The following DTNA variants were observed in gnomAD, a reference collection of about 807,000 sequenced individuals.
DTNA encodes the protein dystrophin-related protein 3.
DTNA carries 43 observed loss-of-function variants against 100.7 expected under a neutral mutation model. The observed-to-expected ratio is 0.43, with a 90% CI of 0.33 to 0.55. The LOEUF (loss-of-function observed/expected upper bound fraction) is 0.55. DTNA is among the 20% of genes least tolerant of loss of function. The pLI is 0.04. For missense variants in DTNA, 798 were observed against 953.9 expected, an observed-to-expected ratio of 0.84 and a Z score of 2.15; for synonymous variants, 349 against 347.9, an observed-to-expected ratio of 1.00 and a Z score of -0.04.
chr18:34,618,499 G>A (rs1434016803), intron 1 of DTNA, among the ~76,000 whole-genome samples: 1 of 152,090 alleles, frequency 6.6e-6, no homozygotes, highest in Non-Finnish European at 1.5e-5. Context: ...GAGTAGATAG[G>A]TCATAATTCT....
chr18:34,701,391 A>C lies in DTNA; in HGVS notation c.-1-54585A>C, dbSNP rs1600447471. On this transcript the variant is annotated intron_variant, in intron 1 of 19. Transcript: ENST00000283365. ...AGAATCACCTGTTTCTTCCTGAAAAATTCCCTTGTTTTCAAGTCCATAGAA... is the reference window on the plus strand; with the variant it reads ...AGAATCACCTGTTTCTTCCTGAAAACTTCCCTTGTTTTCAAGTCCATAGAA... Among the ~76,000 whole-genome samples, 5 of 152,124 alleles carry C rather than the reference A, an allele frequency of 3.3e-5. 1 individual carries two copies. Among genetic ancestry groups the C allele is most frequent in the Admixed American group, 3.3e-4 (5 of 15,280 alleles).
chr18:34,785,763 A>G (rs959902298), intron 3 of DTNA, among the ~76,000 whole-genome samples: 3 of 152,252 alleles, frequency 2.0e-5, no homozygotes, highest in East Asian at 1.9e-4. Flanking sequence ...TGCATGCTCA[A>G]TGCACTTATT....
intron 4 of DTNA, among the ~76,000 whole-genome samples, chr18:34,805,118 GA>G (rs1355905249): frequency 6.6e-6 from 1 of 152,108 alleles, no homozygotes; most frequent in Non-Finnish European, 1.5e-5. Context: ...TCAAATAAAT[GA>G]ATTACTAATA....
At chr18:34,697,155 T>G (rs1279825047) in intron 1 of DTNA, among the ~76,000 whole-genome samples, 1 of 152,200 alleles carries the variant, frequency 6.6e-6, no homozygotes, top group Admixed American at 6.5e-5. Context: ...AGGTTCAATA[T>G]GTGGTATTTT....
In DTNA at chr18:34,636,557, C is replaced by T. The variant is rs532778425; in HGVS notation, c.-1-119419C>T. On this transcript the variant is annotated intron_variant, in intron 1 of 19. Transcript: ENST00000283365. ...TCTTGTGGAGGTGCTGAAAGTTTTA[C>T]TCATCATTGTTCTTGCACCATCAGT... 9.8e-5 allele frequency among the ~76,000 whole-genome samples: 15 copies of T among 152,312 alleles called. No homozygotes were observed. In the South Asian group the frequency reaches 3.1e-3, roughly 32 times the overall value.
chr18:34,769,471 A>C (rs1268276717), intron 3 of DTNA, among the ~76,000 whole-genome samples: 2 of 152,188 alleles, frequency 1.3e-5, no homozygotes. Context: ...CAGTAAAAGA[A>C]ATAAGAAACA....
At chr18:34,704,898 T>C (rs1342851882) in intron 1 of DTNA, among the ~76,000 whole-genome samples, 1 of 152,300 alleles carries the variant, frequency 6.6e-6, no homozygotes, top group East Asian at 1.9e-4. Flanking sequence ...CTTTTCCCTT[T>C]AGCTGAGAGA....
intron 21 of DTNA, among the ~76,000 whole-genome samples, chr18:34,883,064 T>A (rs1015815554): frequency 6.6e-6 from 1 of 152,166 alleles, no homozygotes; most frequent in Non-Finnish European, 1.5e-5. Context: ...CATATACAAT[T>A]GGCAATAAAT....
At chr18:34,564,550 A>G (rs16965457) in intron 1 of DTNA, among the ~76,000 whole-genome samples, 15,525 of 152,262 alleles carry the variant, frequency 0.1, 1,161 homozygotes, top group African/African-American at 0.2. Flanking sequence ...ATTAAATACA[A>G]AGCCCTTTTC....
intron 1 of DTNA, among the ~76,000 whole-genome samples, chr18:34,541,121 C>T (rs1052892821): frequency 5.3e-5 from 8 of 152,050 alleles, no homozygotes; most frequent in African/African-American, 1.9e-4. Context: ...AATGTTAATC[C>T]TTTTTCTATC....
In DTNA at chr18:34,627,132, C is replaced by T. The variant is rs377531923; in HGVS notation, c.-1-128844C>T. On this transcript the variant is annotated intron_variant, in intron 1 of 19. Transcript: ENST00000283365. ...CTGCTTAAGCAAAAGTCTATATCTA[C>T]GGATGAGTCTGAGAGTCAAAAAAAA... 5.3e-5 allele frequency among the ~76,000 whole-genome samples: 8 copies of T among 150,858 alleles called. No individual in the cohort carries two copies. In the East Asian group the frequency reaches 1.6e-3, roughly 29 times the overall value.
At chr18:34,818,042 T>C in intron 7 of DTNA, 122 bp from the exon 8 acceptor site, 5 of 1,584,184 alleles carry the variant, frequency 3.2e-6, no homozygotes, top group Non-Finnish European at 4.3e-6. Context: ...TGAGCCCAAA[T>C]CAACTATCAT....
chr18:34,743,953 C>T (rs939373488), intron 1 of DTNA, among the ~76,000 whole-genome samples: 7 of 152,036 alleles, frequency 4.6e-5, no homozygotes, highest in Non-Finnish European at 7.4e-5. Context: ...ACGCTTTCCT[C>T]GTGTGGCCTC....
In DTNA at chr18:34,875,255, C is replaced by T. The variant is rs766127967; in HGVS notation, c.1760C>T (p.Ser587Phe). The T allele has an allele frequency of 5.6e-6, 9 of 1,613,908 alleles. No homozygotes were observed. Among genetic ancestry groups the T allele is most frequent in the Middle Eastern group, 1.6e-4 (1 of 6,076 alleles). Residue 587 changes from serine to phenylalanine, a missense_variant, in exon 18 of 23, where the codon TCT becomes TTT. Coordinates refer to ENST00000444659, the MANE Select transcript of DTNA (RefSeq NM_001386795.1). ...MKLLKTQGAG[S>F]PRSSPSHTIS... is the part of the protein sequence containing the mutation. Reference sequence around the variant, plus strand: ...TCTCTCCAGACTCAGGGGGCAGGCTCTCCCCGCTCCTCCCCCAGCCACACC... The same window carrying T: ...TCTCTCCAGACTCAGGGGGCAGGCTTTCCCCGCTCCTCCCCCAGCCACACC...
intron 1 of DTNA, among the ~76,000 whole-genome samples, chr18:34,742,352 G>A (rs1027071951): frequency 7.2e-5 from 11 of 152,060 alleles, no homozygotes; most frequent in Non-Finnish European, 1.2e-4. Flanking sequence ...GCAGGGCTGC[G>A]TTCCTTCTGG....
intron 1 of DTNA, among the ~76,000 whole-genome samples, chr18:34,503,101 C>T (rs1028294295): frequency 6.6e-6 from 1 of 151,760 alleles, no homozygotes; most frequent in African/African-American, 2.4e-5. Context: ...TTAAATAATG[C>T]CCCTCTCTGT....
intron 1 of DTNA, among the ~76,000 whole-genome samples, chr18:34,566,134 G>T (rs1426654777): frequency 6.6e-6 from 1 of 152,226 alleles, no homozygotes; most frequent in African/African-American, 2.4e-5. Flanking sequence ...AATGCAAGCT[G>T]TGTGAGAAGC....
At chr18:34,628,752 T>C (rs1039972472) in intron 1 of DTNA, among the ~76,000 whole-genome samples, 1 of 152,220 alleles carries the variant, frequency 6.6e-6, no homozygotes, top group Admixed American at 6.5e-5. Context: ...TTACAAACTC[T>C]GTACATTCTT....
chr18:34,563,140 A>T (rs2046788251), intron 1 of DTNA, among the ~76,000 whole-genome samples: 1 of 152,214 alleles, frequency 6.6e-6, no homozygotes, highest in African/African-American at 2.4e-5. Flanking sequence ...GGGTTTTTGC[A>T]GGTATAACAG....
Sources: gnomAD v4.1 joint callset for allele counts (sites outside exome capture counted in the v4.1 genomes callset) on GRCh38, gnomAD v4.1.1 for gene constraint, MANE v1.5 for transcripts, NCBI Gene and HGNC (gene_info 2026-07-23, HGNC 2026-07-21) for gene names.